The following ROBO2 variants were observed in gnomAD, a reference collection of about 807,000 sequenced individuals.
ROBO2 encodes the protein roundabout homolog 2.
In ROBO2, 53 loss-of-function variants were observed where a neutral mutation model predicts 160.8. The observed-to-expected ratio is 0.33, with a 90% CI of 0.26 to 0.41. The LOEUF (loss-of-function observed/expected upper bound fraction) is 0.41, where lower values mean the gene tolerates loss of function less well. Ranked by LOEUF, ROBO2 falls within the 10% of genes least tolerant of loss-of-function variation. ROBO2 has a pLI of 1.00. For synonymous variants in ROBO2, 664 were observed against 611.7 expected (o/e 1.09, Z -1.26); for missense variants, 1,577 against 1,722.4 (o/e 0.92, Z 1.49).
intron 2 of ROBO2, among the ~76,000 whole-genome samples, chr3:76,829,704 TG>T: frequency 6.6e-6 from 1 of 151,890 alleles, no homozygotes; most frequent in South Asian, 2.1e-4. Context: ...GTTTCACTCT[TG>T]TTGCCCAGGC....
rs1045948640 is a variant in ROBO2 at position 76,821,943 on chromosome 3, G to T, written c.110-276071G>T. 2.6e-5 allele frequency among the ~76,000 whole-genome samples: 4 copies of T among 151,912 alleles called. No individual in the cohort carries two copies. The East Asian group carries it at 5.8e-4, about 22-fold the overall frequency. On this transcript the variant is annotated intron_variant, in intron 2 of 26. Coordinates refer to the ROBO2 transcript ENST00000487694. Reference sequence around the variant, plus strand: ...CTCTCATATGCCATTGCAAAAAGTAGTAATAAAGAGACCAATACTTGTTTA... The same window carrying T: ...CTCTCATATGCCATTGCAAAAAGTATTAATAAAGAGACCAATACTTGTTTA...
intron 1 of ROBO2, among the ~76,000 whole-genome samples, chr3:77,074,181 C>T (rs1287518228): frequency 1.3e-5 from 2 of 152,104 alleles, no homozygotes; most frequent in East Asian, 1.9e-4. Flanking sequence ...CATACTCAAG[C>T]GTGTCCTGAT....
intron 2 of ROBO2, among the ~76,000 whole-genome samples, chr3:76,985,683 T>C (rs2060342184): frequency 1.3e-5 from 2 of 151,896 alleles, no homozygotes; most frequent in Non-Finnish European, 2.9e-5. Context: ...TGAACATTGT[T>C]AGCAATGGCT....
chr3:75,977,629 C>T (rs2065166065), intron 2 of ROBO2, among the ~76,000 whole-genome samples: 1 of 151,354 alleles, frequency 6.6e-6, no homozygotes, highest in Non-Finnish European at 1.5e-5. Flanking sequence ...TAGGGGTATG[C>T]TAGTTGCAAT....
intron 2 of ROBO2, among the ~76,000 whole-genome samples, chr3:76,728,458 T>C (rs1175563070): frequency 6.6e-6 from 1 of 152,220 alleles, no homozygotes; most frequent in Non-Finnish European, 1.5e-5. Flanking sequence ...TTATTGCAAA[T>C]TGTATTTTGC....
intron 2 of ROBO2, among the ~76,000 whole-genome samples, chr3:76,457,329 G>A (rs935030605): frequency 3.9e-5 from 6 of 152,298 alleles, no homozygotes; most frequent in Admixed American, 6.5e-5. Context: ...CAAGGCCCAC[G>A]CAAGTCCGAA....
intron 2 of ROBO2, among the ~76,000 whole-genome samples, chr3:77,419,640 C>T (rs979565286): frequency 1.2e-4 from 19 of 152,084 alleles, no homozygotes; most frequent in African/African-American, 4.6e-4. Context: ...ATATTATGTG[C>T]TACTTACTAT....
chr3:77,488,558 T>A lies in ROBO2; in HGVS notation c.668-4686T>A, dbSNP rs148065161. ...TTATTTTAATTGTACAGAGCTCTAATTGTCCAAACTCTATGGAGCATTAAT... is the reference window on the plus strand; with the variant it reads ...TTATTTTAATTGTACAGAGCTCTAAATGTCCAAACTCTATGGAGCATTAAT... On this transcript the variant is annotated intron_variant, in intron 4 of 25. Coordinates refer to ENST00000461745, the Ensembl canonical transcript of ROBO2. 4.5e-4 allele frequency among the ~76,000 whole-genome samples: 68 copies of A among 152,334 alleles called. 1 individual carries two copies. Among genetic ancestry groups the A allele is most frequent in the Admixed American group, 1.0e-3 (16 of 15,308 alleles).
chr3:76,299,468 G>A (rs1015070810), intron 2 of ROBO2, among the ~76,000 whole-genome samples: 25 of 152,106 alleles, frequency 1.6e-4, no homozygotes, highest in Admixed American at 5.9e-4. Context: ...GAAAATAAAG[G>A]GGAGAACAGG....
chr3:77,522,023 A>C (rs574876026), intron 5 of ROBO2, among the ~76,000 whole-genome samples: 1 of 151,450 alleles, frequency 6.6e-6, no homozygotes, highest in Non-Finnish European at 1.5e-5. Flanking sequence ...ATGTGAAAAA[A>C]ATGATAGCTG....
chr3:77,031,563 AT>A (rs1489923317), intron 2 of ROBO2, among the ~76,000 whole-genome samples: 1 of 146,316 alleles, frequency 6.8e-6, no homozygotes, highest in Non-Finnish European at 1.5e-5. Context: ...TATTTTATAT[AT>A]TATTAAATTA....
intron 2 of ROBO2, among the ~76,000 whole-genome samples, chr3:77,288,957 T>C (rs991546818): frequency 1.3e-5 from 2 of 152,172 alleles, no homozygotes; most frequent in South Asian, 2.1e-4. Context: ...GACCTCTATA[T>C]TGAAGGGCTA....
chr3:77,543,545 A>C (rs1194012148), intron 6 of ROBO2, among the ~76,000 whole-genome samples: 2 of 152,208 alleles, frequency 1.3e-5, no homozygotes, highest in African/African-American at 4.8e-5. Flanking sequence ...CTACAAAAAA[A>C]ATGTTTCAAA....
At chr3:76,034,658 ACTT>A (rs980422551) in intron 2 of ROBO2, among the ~76,000 whole-genome samples, 33 of 152,250 alleles carry the variant, frequency 2.2e-4, no homozygotes, top group African/African-American at 7.2e-4. Context: ...CGCTACAGTA[ACTT>A]CTTCTTGTCT....
intron 2 of ROBO2, among the ~76,000 whole-genome samples, chr3:77,206,097 A>C (rs926620298): frequency 1.3e-5 from 2 of 151,800 alleles, no homozygotes; most frequent in Admixed American, 6.6e-5. Flanking sequence ...TTCTCTTCAC[A>C]TGCTGTCTTC....
chr3:76,282,847 A>C (rs1248957602), intron 2 of ROBO2, among the ~76,000 whole-genome samples: 1 of 151,856 alleles, frequency 6.6e-6, no homozygotes, highest in African/African-American at 2.4e-5. Flanking sequence ...CAGTAAGAAA[A>C]CACACATACT....
chr3:77,030,396 A>G (rs1354666065), intron 2 of ROBO2, among the ~76,000 whole-genome samples: 1 of 152,252 alleles, frequency 6.6e-6, no homozygotes, highest in Admixed American at 6.5e-5. Flanking sequence ...AATGCATATT[A>G]CCATTTTCCA....
At chr3:76,184,335 G>A (rs745397593) in intron 2 of ROBO2, among the ~76,000 whole-genome samples, 44 of 151,954 alleles carry the variant, frequency 2.9e-4, no homozygotes, top group Non-Finnish European at 2.4e-4. Context: ...CCAACGATCC[G>A]GTTCAAAAAG....
chr3:76,457,418 G>A (rs1227148824), intron 2 of ROBO2, among the ~76,000 whole-genome samples: 1 of 152,196 alleles, frequency 6.6e-6, no homozygotes, highest in South Asian at 2.1e-4. Flanking sequence ...TTATGCTAAT[G>A]CAAGAGGTGG....
Sources: allele counts gnomAD v4.1 joint callset (sites outside exome capture counted in the v4.1 genomes callset), GRCh38; gene constraint gnomAD v4.1.1; transcripts MANE v1.5; gene names NCBI Gene and HGNC (gene_info 2026-07-23, HGNC 2026-07-21).